SAMSN1: variants seen among roughly 807,000 people sequenced by gnomAD.
The protein encoded by SAMSN1 is SAM domain-containing protein SAMSN-1.
Under a neutral mutation model 42.0 loss-of-function variants are expected in SAMSN1, and 31 were observed. The ratio of observed to expected loss-of-function variants is 0.74; its 90% CI spans 0.55 to 1.00. The LOEUF is 1.00. SAMSN1 is among the 50% of genes least tolerant of loss of function. SAMSN1 has a pLI of 0.00. For missense variants in SAMSN1, 464 were observed against 439.4 expected (o/e 1.06, Z -0.50); for synonymous variants, 178 against 151.9 (o/e 1.17, Z -1.26).
At chr21:14,518,164 T>G (rs986038094) in intron 2 of SAMSN1, among the ~76,000 whole-genome samples, 2 of 152,240 alleles carry the variant, frequency 1.3e-5, no homozygotes, top group East Asian at 3.8e-4. Flanking sequence ...CAGGTTTCTA[T>G]TCACATGTCA....
At chr21:14,605,220 T>C (rs987909886) in intron 5 of SAMSN1, among the ~76,000 whole-genome samples, 1 of 152,258 alleles carries the variant, frequency 6.6e-6, no homozygotes, top group Non-Finnish European at 1.5e-5. Context: ...AGAACTCCTC[T>C]GAAGAACTGA....
intron 6 of SAMSN1, 52 bp downstream of exon 6, chr21:14,500,477 G>A (rs1306223540): frequency 7.5e-5 from 109 of 1,457,182 alleles, no homozygotes; most frequent in Non-Finnish European, 1.0e-4. Flanking sequence ...CACTCCCTTC[G>A]GTGTTTCCAT....
upstream of SAMSN1, among the ~76,000 whole-genome samples, chr21:14,550,716 C>T (rs1980566073): frequency 6.6e-6 from 1 of 151,998 alleles, no homozygotes; most frequent in Non-Finnish European, 1.5e-5. Flanking sequence ...TAGGGAGAAT[C>T]TAAATTCATT....
intron 5 of SAMSN1, among the ~76,000 whole-genome samples, chr21:14,603,170 G>GA (rs144056173): frequency 1.8e-4 from 27 of 151,100 alleles, no homozygotes; most frequent in African/African-American, 5.3e-4. Context: ...TCTGAACTGG[G>GA]AAAAAAAAAT....
chr21:14,565,691 G>A (rs138003123), intron 2 of SAMSN1, among the ~76,000 whole-genome samples: 2 of 152,124 alleles, frequency 1.3e-5, no homozygotes, highest in East Asian at 1.9e-4. Context: ...TCAGAGAGTA[G>A]TGTGACTGCG....
intron 2 of SAMSN1, among the ~76,000 whole-genome samples, chr21:14,624,900 C>G (rs756672862): frequency 1.3e-5 from 2 of 152,144 alleles, no homozygotes; most frequent in African/African-American, 2.4e-5. Context: ...CAAACCGAAT[C>G]CAGTAGCCCA....
chr21:14,571,688 G>C (rs1022446), intron 2 of SAMSN1, among the ~76,000 whole-genome samples: 51,658 of 152,002 alleles, frequency 0.34, 11,740 homozygotes, highest in African/African-American at 0.66. Flanking sequence ...TTTTAAAAAG[G>C]TAACATCATT....
intron 1 of SAMSN1, among the ~76,000 whole-genome samples, chr21:14,656,815 T>C (rs1042100480): frequency 6.6e-6 from 1 of 151,924 alleles, no homozygotes; most frequent in African/African-American, 2.4e-5. Flanking sequence ...GATGTTTAAC[T>C]CTTTCATTCT....
chr21:14,624,012 G>C (rs530811994), intron 2 of SAMSN1, among the ~76,000 whole-genome samples: 1 of 152,190 alleles, frequency 6.6e-6, no homozygotes, highest in Admixed American at 6.5e-5. Context: ...TGAACAACCT[G>C]CTCTTGAATG....
rs566243723 is a variant in SAMSN1, at chr21:14,600,140, A to G, written c.399+1883T>C. Among the ~76,000 whole-genome samples, 9 of 152,240 alleles carry G rather than the reference A, an allele frequency of 5.9e-5. No homozygotes were observed. The East Asian group carries it at 1.4e-3, about 23-fold the overall frequency. ...TTATCTGATAGTCATTTGTTCACTGATGGAAGGCCAAGTTTCATGCCATAG... is the reference window on the plus strand; with the variant it reads ...TTATCTGATAGTCATTTGTTCACTGGTGGAAGGCCAAGTTTCATGCCATAG... On this transcript the variant is annotated intron_variant, in intron 6 of 15. Coordinates refer to the SAMSN1 transcript ENST00000647101.
intron 2 of SAMSN1, among the ~76,000 whole-genome samples, chr21:14,577,235 TG>T: frequency 4.5e-5 from 1 of 22,340 alleles, no homozygotes; most frequent in Non-Finnish European, 6.1e-5. Flanking sequence ...TATATATATG[TG>T]TGTATATATA....
intron 7 of SAMSN1, among the ~76,000 whole-genome samples, chr21:14,491,108 G>T (rs1358675041): frequency 6.6e-6 from 1 of 152,110 alleles, no homozygotes; most frequent in Non-Finnish European, 1.5e-5. Context: ...TAGGGGCCTT[G>T]GAAAGTCAAG....
At chr21:14,554,633 T>G (rs6516878) in intron 2 of SAMSN1, among the ~76,000 whole-genome samples, 151,654 of 151,676 alleles carry the variant, frequency 1, 75,816 homozygotes, top group Middle Eastern at 1. Context: ...CCGACTGGAA[T>G]TTCTATGTAA....
At chr21:14,583,511 T>G, upstream of SAMSN1, 1 of 589,218 alleles carries the variant, frequency 1.7e-6, no homozygotes, top group South Asian at 2.1e-5. Flanking sequence ...GATGTCTGTT[T>G]TAAAATAACT....
At chr21:14,557,269 C>A (rs372784357) in intron 2 of SAMSN1, among the ~76,000 whole-genome samples, 1 of 152,266 alleles carries the variant, frequency 6.6e-6, no homozygotes, top group South Asian at 2.1e-4. Context: ...TCTCAAATTT[C>A]CTCATTAATT....
intron 4 of SAMSN1, among the ~76,000 whole-genome samples, chr21:14,610,130 C>A (rs1982666124): frequency 6.6e-6 from 1 of 152,128 alleles, no homozygotes; most frequent in Non-Finnish European, 1.5e-5. Context: ...GTCTGGCTGC[C>A]TGTGGGCCGG....
At chr21:14,498,063 C>A (rs1424884177) in intron 7 of SAMSN1, among the ~76,000 whole-genome samples, 1 of 152,092 alleles carries the variant, frequency 6.6e-6, no homozygotes, top group Admixed American at 6.5e-5. Context: ...TATCTTAAAG[C>A]CTCGTGTTGT....
chr21:14,573,423 A>C (rs1981363176), intron 2 of SAMSN1, among the ~76,000 whole-genome samples: 1 of 152,190 alleles, frequency 6.6e-6, no homozygotes, highest in South Asian at 2.1e-4. Context: ...ATTCATATGC[A>C]TACTTGCTGG....
exon 1 of SAMSN1, chr21:14,658,805 T>A (rs1983955372): frequency 1.4e-6 from 1 of 715,084 alleles, no homozygotes. Flanking sequence ...TGCCCTGCTT[T>A]GAAAAATATG....
Sources: allele counts gnomAD v4.1 joint callset (sites outside exome capture counted in the v4.1 genomes callset), GRCh38; gene constraint gnomAD v4.1.1; transcripts MANE v1.5; gene names NCBI Gene and HGNC (gene_info 2026-07-23, HGNC 2026-07-21).